ERCC6: variants seen among roughly 807,000 people sequenced by gnomAD.
ERCC6 encodes the protein ERCC excision repair 6, chromatin remodeling factor, also known as DNA excision repair protein ERCC-6.
A neutral mutation model predicts 158.7 loss-of-function variants in ERCC6; 116 were observed. The ratio of observed to expected loss-of-function variants is 0.73; its 90% CI spans 0.63 to 0.85. The LOEUF is 0.85. Among genes scored for constraint, ERCC6 ranks in the 40% least tolerant of loss-of-function variants. ERCC6 has a pLI of 0.00. For synonymous variants in ERCC6, 678 were observed against 659.3 expected, an observed-to-expected ratio of 1.03 and a Z score of -0.43; for missense variants, 1,698 against 1,799.4, an observed-to-expected ratio of 0.94 and a Z score of 1.02.
chr10:49,490,835 A>G (rs1200730744), intron 8 of ERCC6, among the ~76,000 whole-genome samples: 5 of 152,210 alleles, frequency 3.3e-5, no homozygotes, highest in Non-Finnish European at 5.9e-5. Context: ...TCAGAGTACC[A>G]TTATTAAATT....
chr10:49,528,861 CA>C (rs1397114131), intron 3 of ERCC6, among the ~76,000 whole-genome samples: 2 of 152,178 alleles, frequency 1.3e-5, no homozygotes, highest in Non-Finnish European at 2.9e-5. Context: ...TTCCCCCTTA[CA>C]CACTGGGCAA....
At chr10:49,475,457 AT>A (rs1169574032) in intron 12 of ERCC6, 1 of 446,592 alleles carries the variant, frequency 2.2e-6, no homozygotes, top group Non-Finnish European at 4.5e-6. Flanking sequence ...TTAAGGGGAG[AT>A]TCATGGAGAT....
Position 49,476,274 on chromosome 10 carries a change from C to A in ERCC6, c.2323G>T (p.Val775Phe). Residue 775 changes from valine (V) to phenylalanine (F), a missense_variant, in exon 12 of 21, where the codon GTC becomes TTC. Coordinates refer to ENST00000355832, the MANE Select transcript of ERCC6 (RefSeq NM_000124.4). Reference protein sequence around the residue: ...FCRLTDEQHKVYQNFVDSKEV... With the variant: ...FCRLTDEQHKFYQNFVDSKEV... ...TTGGAATCAACGAAATTTTGGTAGA[C>A]TTTATGCTGCTCATCTGTAAGACGG... 3 of 1,613,914 alleles carry A rather than the reference C, an allele frequency of 1.9e-6. No homozygotes were observed. The highest frequency in any genetic ancestry group is 1.7e-6 in the Non-Finnish European group (2 of 1,179,910).
the ERCC6 span, among the ~76,000 whole-genome samples, chr10:49,440,770 G>A: frequency 6.6e-6 from 1 of 152,188 alleles, no homozygotes; most frequent in African/African-American, 2.4e-5. Flanking sequence ...ATCTCTGAGA[G>A]GAAACTGGTG....
rs1850580569 is a variant in ERCC6 at position 49,461,426 on chromosome 10, C to T, written c.3909G>A (p.Arg1303=). The change falls in exon 19 of 21, where the codon CGG becomes CGA. Residue 1303 remains arginine, a synonymous_variant. Transcript: ENST00000355832. Reference sequence around the variant, plus strand: ...GAACACCAGACACTGCTCCCAGACACCGCTGACGAGAGAGCCTCAGTGCTT... The same window carrying T: ...GAACACCAGACACTGCTCCCAGACATCGCTGACGAGAGAGCCTCAGTGCTT... The part of the protein sequence containing the change: ...ALKALRLSRQ[R]CLGAVSGVPT... 1.2e-6 allele frequency: 2 copies of T among 1,614,096 alleles called. No homozygotes were observed. Among genetic ancestry groups the T allele is most frequent in the South Asian group, 2.2e-5 (2 of 91,090 alleles).
intron 8 of ERCC6, among the ~76,000 whole-genome samples, chr10:49,489,562 G>A (rs1851136090): frequency 6.6e-6 from 1 of 152,148 alleles, no homozygotes; most frequent in African/African-American, 2.4e-5. Context: ...GCATGCTCTT[G>A]TTGCTTTTCC....
downstream of ERCC6, among the ~76,000 whole-genome samples, chr10:49,452,169 T>C (rs1850427944): frequency 6.6e-6 from 1 of 151,922 alleles, no homozygotes; most frequent in African/African-American, 2.4e-5. Context: ...TTGTTCTTCT[T>C]TCTTCAGTGA....
At chr10:49,453,196 G>A (rs77253194), downstream of ERCC6, among the ~76,000 whole-genome samples, 264 of 151,946 alleles carry the variant, frequency 1.7e-3, 2 homozygotes, top group African/African-American at 6.2e-3. Context: ...TATATTTCTG[G>A]AGTTATTTTA....
At chr10:49,492,355 T>C (rs1453039103) in intron 8 of ERCC6, among the ~76,000 whole-genome samples, 2 of 152,088 alleles carry the variant, frequency 1.3e-5, no homozygotes, top group Non-Finnish European at 2.9e-5. Flanking sequence ...GACTGCTGCT[T>C]CTCCCCAATA....
intron 5 of ERCC6, among the ~76,000 whole-genome samples, chr10:49,511,609 G>A (rs1043697146): frequency 1.3e-5 from 2 of 152,082 alleles, no homozygotes; most frequent in Admixed American, 6.5e-5. Flanking sequence ...ATTTTTTGGT[G>A]TAGATGGGGT....
In ERCC6 at chr10:49,465,054, AC is replaced by A. The variant is rs528052703; in HGVS notation, c.3779-3499del. ...GATCCACTGACAGCTTGCACCATGC[AC>A]CTGGAAAGGCTGCAGACACTCAATG... is the stretch of plus-strand genomic sequence containing the variant. On this transcript the variant is annotated intron_variant, in intron 18 of 20. Transcript: ENST00000355832. Among the ~76,000 whole-genome samples the A allele has an allele frequency of 4.7e-3, 714 of 152,322 alleles. 5 individuals carry two copies. Among genetic ancestry groups the A allele is most frequent in the African/African-American group, 0.016 (647 of 41,574 alleles).
At chr10:49,470,036 A>G (rs1458077630) in intron 18 of ERCC6, 146 bp downstream of exon 18, 2 of 770,288 alleles carry the variant, frequency 2.6e-6, no homozygotes, top group Non-Finnish European at 4.5e-6. Context: ...TAAAATGTCA[A>G]TATATTTCAA....
At chr10:49,469,221 A>G (rs1450072366) in intron 18 of ERCC6, among the ~76,000 whole-genome samples, 1 of 152,210 alleles carries the variant, frequency 6.6e-6, no homozygotes. Flanking sequence ...ATTAATTACA[A>G]AGGTAAAAAT....
At chr10:49,480,398 CCAG>C (rs1268600942) in intron 10 of ERCC6, among the ~76,000 whole-genome samples, 1 of 152,160 alleles carries the variant, frequency 6.6e-6, no homozygotes, top group Non-Finnish European at 1.5e-5. Flanking sequence ...CATTTTAGCA[CCAG>C]CATGACAGAA....
chr10:49,479,275 A>G (rs1330448033), intron 10 of ERCC6, among the ~76,000 whole-genome samples: 1 of 152,208 alleles, frequency 6.6e-6, no homozygotes, highest in Non-Finnish European at 1.5e-5. Context: ...AAATTTAAGA[A>G]AGTCAGCTGT....
chr10:49,513,373 G>T (rs1462409684), intron 5 of ERCC6, among the ~76,000 whole-genome samples: 1 of 152,172 alleles, frequency 6.6e-6, no homozygotes, highest in African/African-American at 2.4e-5. Flanking sequence ...AAAACAAATA[G>T]TAATTATGAC....
intron 4 of ERCC6, among the ~76,000 whole-genome samples, chr10:49,525,659 A>C (rs1003624122): frequency 1.3e-5 from 2 of 152,222 alleles, no homozygotes; most frequent in African/African-American, 4.8e-5. Context: ...GTTTTTCATT[A>C]AACTTGCACT....
At chr10:49,515,188 G>A in intron 5 of ERCC6, 1 of 1,304,736 alleles carries the variant, frequency 7.7e-7, no homozygotes, top group Non-Finnish European at 9.7e-7. Flanking sequence ...AAAAATTCAA[G>A]GAACAAAAAT....
chr10:49,482,777 G>A lies in ERCC6; in HGVS notation c.2079C>T (p.Phe693=), dbSNP rs776361424. ...RELWSLFDFI[F]PGKLGTLPVF... is the part of the protein sequence containing the mutation. ...CAGGCAACGTGCCTAACTTTCCCGGGAAGATGAAGTCAAAGAGCGACCACA... is the reference window on the plus strand; with the variant it reads ...CAGGCAACGTGCCTAACTTTCCCGGAAAGATGAAGTCAAAGAGCGACCACA... The change falls in exon 10 of 21, where the codon TTC becomes TTT. Residue 693 remains phenylalanine, a synonymous_variant. Transcript: ENST00000355832. 1.9e-5 allele frequency: 30 copies of A among 1,613,686 alleles called. No individual in the cohort carries two copies. The Admixed American group carries it at 5.0e-4, about 27-fold the overall frequency.
Sources: gnomAD v4.1 joint callset for allele counts (sites outside exome capture counted in the v4.1 genomes callset) on GRCh38, gnomAD v4.1.1 for gene constraint, MANE v1.5 for transcripts, NCBI Gene and HGNC (gene_info 2026-07-23, HGNC 2026-07-21) for gene names.